CDH13: variants seen among roughly 807,000 people sequenced by gnomAD.
CDH13 encodes the protein cadherin 13.
CDH13 carries 24 observed loss-of-function variants against 63.8 expected under a neutral mutation model. That is an observed-to-expected ratio of 0.38 (90% CI 0.27 to 0.53). The LOEUF (loss-of-function observed/expected upper bound fraction) is 0.53. Among genes scored for constraint, CDH13 ranks in the 20% least tolerant of loss-of-function variants. The pLI is 0.85. For missense variants in CDH13, 1,049 were observed against 903.1 expected (o/e 1.16, Z -2.07); for synonymous variants, 503 against 355.3 (o/e 1.42, Z -4.67).
intron 3 of CDH13, among the ~76,000 whole-genome samples, chr16:83,084,920 G>GT (rs2033485139): frequency 6.6e-6 from 1 of 152,180 alleles, no homozygotes; most frequent in African/African-American, 2.4e-5. Flanking sequence ...AAGTAGAGGT[G>GT]TTTTTCTTGC....
chr16:83,232,243 G>T (rs1352058459), intron 5 of CDH13, among the ~76,000 whole-genome samples: 8 of 74,628 alleles, frequency 1.1e-4, no homozygotes, highest in African/African-American at 3.7e-4. Context: ...AAAAAAAAAA[G>T]GCTGGGCACG....
chr16:82,787,529 A>G (rs776109716), intron 1 of CDH13, among the ~76,000 whole-genome samples: 4 of 152,224 alleles, frequency 2.6e-5, no homozygotes, highest in South Asian at 2.1e-4. Flanking sequence ...TCAGAAATCC[A>G]TGAAAAATAG....
At chr16:82,691,257 G>A (rs2150976569) in intron 1 of CDH13, among the ~76,000 whole-genome samples, 1 of 152,284 alleles carries the variant, frequency 6.6e-6, no homozygotes, top group South Asian at 2.1e-4. Context: ...GCACCTCAGA[G>A]GCCACCTGCA....
chr16:83,015,673 G>GTATA (rs1240181770), intron 2 of CDH13, among the ~76,000 whole-genome samples: 4 of 39,994 alleles, frequency 1.0e-4, no homozygotes, highest in Admixed American at 3.6e-4. Flanking sequence ...GTGTGTGTGT[G>GTATA]TATGTATATA....
At chr16:82,956,544 C>T (rs756760184) in intron 2 of CDH13, among the ~76,000 whole-genome samples, 1 of 152,248 alleles carries the variant, frequency 6.6e-6, no homozygotes, top group African/African-American at 2.4e-5. Context: ...TATATCCTGC[C>T]ACACCCTTTG....
At chr16:82,967,928 A>G (rs1247563206) in intron 2 of CDH13, among the ~76,000 whole-genome samples, 1 of 152,158 alleles carries the variant, frequency 6.6e-6, no homozygotes, top group Non-Finnish European at 1.5e-5. Context: ...GTTTCTTTTC[A>G]TATTTTCACC....
chr16:83,254,926 T>C (rs1445793916), intron 5 of CDH13, among the ~76,000 whole-genome samples: 2 of 124,472 alleles, frequency 1.6e-5, no homozygotes, highest in East Asian at 2.3e-4. Context: ...AGAGACAAGC[T>C]CTTTCTTGGA....
intron 6 of CDH13, among the ~76,000 whole-genome samples, chr16:83,400,946 G>A (rs1341395201): frequency 6.6e-6 from 1 of 152,066 alleles, no homozygotes; most frequent in Non-Finnish European, 1.5e-5. Flanking sequence ...GCTCACACCA[G>A]TAATCCAAGC....
chr16:83,172,769 TAAAAACA>T (rs2037976652), intron 4 of CDH13, among the ~76,000 whole-genome samples: 1 of 151,880 alleles, frequency 6.6e-6, no homozygotes, highest in African/African-American at 2.4e-5. Context: ...ACATAGTAGA[TAAAAACA>T]AAAAACAAAC....
chr16:82,786,493 C>G (rs111715967), intron 1 of CDH13, among the ~76,000 whole-genome samples: 953 of 77,202 alleles, frequency 0.012, 7 homozygotes, highest in African/African-American at 0.044. Flanking sequence ...TTTTCTTCTT[C>G]TTTTGTGTGT....
intron 7 of CDH13, among the ~76,000 whole-genome samples, chr16:83,489,340 C>G (rs1004072813): frequency 1.3e-5 from 2 of 152,008 alleles, no homozygotes; most frequent in Non-Finnish European, 2.9e-5. Context: ...TCAACAGCCC[C>G]CCAAAAAAGA....
chr16:83,077,977 G>A (rs1170417786), intron 3 of CDH13, among the ~76,000 whole-genome samples: 1 of 152,124 alleles, frequency 6.6e-6, no homozygotes, highest in African/African-American at 2.4e-5. Context: ...TGACCATTCT[G>A]TTCTGTTCTG....
chr16:83,250,539 A>T (rs947377259), intron 5 of CDH13, among the ~76,000 whole-genome samples: 5 of 152,322 alleles, frequency 3.3e-5, no homozygotes, highest in Middle Eastern at 3.4e-3. Context: ...GCGAGCGTTC[A>T]TAAGGAACCA....
chr16:83,537,431 C>G (rs951923692), intron 7 of CDH13, among the ~76,000 whole-genome samples: 1 of 152,108 alleles, frequency 6.6e-6, no homozygotes, highest in Admixed American at 6.5e-5. Context: ...TCCTTATCAA[C>G]AAGACTTGAA....
intron 4 of CDH13, among the ~76,000 whole-genome samples, chr16:83,202,534 G>A (rs562605011): frequency 6.6e-6 from 1 of 152,248 alleles, no homozygotes; most frequent in Admixed American, 6.5e-5. Context: ...CACATGCAAG[G>A]CAGAACAGAA....
chr16:83,504,208 A>G (rs1378598255), intron 7 of CDH13, among the ~76,000 whole-genome samples: 1 of 152,142 alleles, frequency 6.6e-6, no homozygotes, highest in African/African-American at 2.4e-5. Context: ...AACAGGCTGG[A>G]TTTTAATCCT....
At chr16:83,202,265 T>C (rs1246217840) in intron 4 of CDH13, among the ~76,000 whole-genome samples, 2 of 152,174 alleles carry the variant, frequency 1.3e-5, no homozygotes, top group African/African-American at 4.8e-5. Flanking sequence ...GGCCCAAGCA[T>C]GGCGCTTTTG....
intron 2 of CDH13, among the ~76,000 whole-genome samples, chr16:83,026,268 A>G (rs1301047817): frequency 6.6e-6 from 1 of 152,168 alleles, no homozygotes; most frequent in African/African-American, 2.4e-5. Context: ...ATCTATTCCT[A>G]GGAAGCAGAT....
chr16:83,083,770 A>G (rs1348567608), intron 3 of CDH13, among the ~76,000 whole-genome samples: 1 of 152,214 alleles, frequency 6.6e-6, no homozygotes, highest in Non-Finnish European at 1.5e-5. Flanking sequence ...TTAGCAGCTC[A>G]CTAGTTGTTT....
Sources: allele counts gnomAD v4.1 joint callset (sites outside exome capture counted in the v4.1 genomes callset), GRCh38; gene constraint gnomAD v4.1.1; transcripts MANE v1.5; gene names NCBI Gene and HGNC (gene_info 2026-07-23, HGNC 2026-07-21).